Variants in DGKB observed in about 807,000 individuals in gnomAD.
The protein encoded by DGKB is 90 kDa diacylglycerol kinase.
A neutral mutation model predicts 114.3 loss-of-function variants in DGKB; 67 were observed. The observed-to-expected ratio is 0.59, with a 90% CI of 0.48 to 0.72. DGKB has a LOEUF of 0.72. Among genes scored for constraint, DGKB ranks in the 30% least tolerant of loss-of-function variants. The pLI, the probability that DGKB is intolerant of heterozygous loss-of-function variation, is 0.00. For missense variants in DGKB, 907 were observed against 975.2 expected, an observed-to-expected ratio of 0.93 and a Z score of 0.93; for synonymous variants, 398 against 323.1, an observed-to-expected ratio of 1.23 and a Z score of -2.49.
intron 2 of DGKB, among the ~76,000 whole-genome samples, chr7:14,834,639 C>T (rs1375856335): frequency 6.6e-6 from 1 of 152,134 alleles, no homozygotes; most frequent in Non-Finnish European, 1.5e-5. Flanking sequence ...GAGATGAAAC[C>T]ACTTGCTGAC....
intron 3 of DGKB, among the ~76,000 whole-genome samples, chr7:14,755,720 TA>T (rs1209087737): frequency 6.6e-6 from 1 of 152,160 alleles, no homozygotes; most frequent in Non-Finnish European, 1.5e-5. Flanking sequence ...TAGATATTCT[TA>T]ATTATTTTCA....
At chr7:14,559,374 A>T (rs1002612921) in intron 20 of DGKB, among the ~76,000 whole-genome samples, 2 of 152,082 alleles carry the variant, frequency 1.3e-5, no homozygotes, top group Non-Finnish European at 2.9e-5. Flanking sequence ...TTTTGGAGGA[A>T]GGGGGCACAG....
chr7:14,205,424 C>G (rs1237608110), intron 23 of DGKB, among the ~76,000 whole-genome samples: 1 of 151,766 alleles, frequency 6.6e-6, no homozygotes, highest in Non-Finnish European at 1.5e-5. Flanking sequence ...CTTGGGGACA[C>G]CTCATATCAT....
intron 21 of DGKB, among the ~76,000 whole-genome samples, chr7:14,400,540 G>A (rs554173370): frequency 2.6e-5 from 4 of 151,874 alleles, no homozygotes; most frequent in African/African-American, 9.6e-5. Context: ...AGAAAGATTT[G>A]TCATTCAGGA....
chr7:14,728,513 G>T (rs1377049167), intron 5 of DGKB, among the ~76,000 whole-genome samples: 1 of 152,078 alleles, frequency 6.6e-6, no homozygotes, highest in Admixed American at 6.6e-5. Context: ...GGTCCTTGGG[G>T]CTTTGACCTT....
chr7:14,688,261 A>C (rs973695164), intron 9 of DGKB, among the ~76,000 whole-genome samples: 1 of 152,186 alleles, frequency 6.6e-6, no homozygotes, highest in African/African-American at 2.4e-5. Context: ...TTTATTTTTT[A>C]TAAAACAAAA....
At chr7:14,201,166 T>G (rs1463242687) in intron 23 of DGKB, among the ~76,000 whole-genome samples, 2 of 152,018 alleles carry the variant, frequency 1.3e-5, no homozygotes, top group Non-Finnish European at 2.9e-5. Context: ...CCTAGATAGC[T>G]GTCTTTTCAC....
intron 21 of DGKB, among the ~76,000 whole-genome samples, chr7:14,399,814 C>A (rs1291880947): frequency 6.6e-6 from 1 of 151,808 alleles, no homozygotes; most frequent in Non-Finnish European, 1.5e-5. Context: ...GAATAGGGAA[C>A]AGACTATTCT....
chr7:14,942,878 T>C (rs1017677458), intron 1 of DGKB, among the ~76,000 whole-genome samples: 1 of 152,080 alleles, frequency 6.6e-6, no homozygotes, highest in Non-Finnish European at 1.5e-5. Flanking sequence ...TTTATTTTCA[T>C]AGCACTTACT....
chr7:14,152,946 T>A lies in DGKB; in HGVS notation c.2305-3708A>T, dbSNP rs58069897. Among the ~76,000 whole-genome samples, 69 of 152,196 alleles carry A rather than the reference T, an allele frequency of 4.5e-4. 1 individual carries two copies. Among genetic ancestry groups the A allele is most frequent in the African/African-American group, 1.7e-3 (69 of 41,538 alleles). ...GTGCCCCCTATTTCATCCACCTCTT[T>A]GAGCTGCCCTCAAAGTCCACTCCCA... On this transcript the variant is annotated intron_variant, in intron 25 of 25. Coordinates refer to ENST00000402815, the MANE Select transcript of DGKB (RefSeq NM_001350709.2).
At chr7:14,319,424 A>G (rs528250171) in intron 23 of DGKB, among the ~76,000 whole-genome samples, 2 of 152,288 alleles carry the variant, frequency 1.3e-5, no homozygotes, top group Non-Finnish European at 2.9e-5. Context: ...TTGTTTTTTA[A>G]ATATAGTTAT....
chr7:14,307,503 G>A (rs908396720), intron 23 of DGKB, among the ~76,000 whole-genome samples: 2 of 152,146 alleles, frequency 1.3e-5, no homozygotes, highest in Non-Finnish European at 2.9e-5. Flanking sequence ...GCAGTTCGCT[G>A]CTGTATATGC....
At chr7:14,331,399 G>A (rs181975047) in intron 23 of DGKB, among the ~76,000 whole-genome samples, 48 of 151,942 alleles carry the variant, frequency 3.2e-4, no homozygotes, top group African/African-American at 1.1e-3. Context: ...GCTTGCCGGT[G>A]TTTGAACGCC....
At chr7:14,412,324 A>G (rs569594707) in intron 21 of DGKB, among the ~76,000 whole-genome samples, 1 of 152,340 alleles carries the variant, frequency 6.6e-6, no homozygotes, top group Non-Finnish European at 1.5e-5. Flanking sequence ...AATAGATTTC[A>G]AATTCTGATT....
intron 13 of DGKB, among the ~76,000 whole-genome samples, chr7:14,653,985 T>A (rs1384120916): frequency 2.0e-5 from 3 of 152,062 alleles, no homozygotes; most frequent in Non-Finnish European, 4.4e-5. Flanking sequence ...AGGACAAGTA[T>A]GCCTACTTTT....
intron 21 of DGKB, among the ~76,000 whole-genome samples, chr7:14,445,191 C>T (rs1830568264): frequency 6.6e-6 from 1 of 151,664 alleles, no homozygotes; most frequent in Admixed American, 6.6e-5. Context: ...AGCTCCTCAC[C>T]ATAATGTATA....
At chr7:14,335,587 GT>G (rs1810505422) in intron 23 of DGKB, among the ~76,000 whole-genome samples, 1 of 152,124 alleles carries the variant, frequency 6.6e-6, no homozygotes, top group Non-Finnish European at 1.5e-5. Context: ...AACAGTGAAA[GT>G]TATTAATTTG....
intron 21 of DGKB, among the ~76,000 whole-genome samples, chr7:14,400,359 C>T (rs779719659): frequency 8.6e-5 from 13 of 151,790 alleles, no homozygotes; most frequent in Admixed American, 6.6e-5. Flanking sequence ...TTTCAGGTCT[C>T]TTCTGCTGTT....
chr7:14,381,260 T>C (rs892979895), intron 21 of DGKB, among the ~76,000 whole-genome samples: 2 of 152,126 alleles, frequency 1.3e-5, no homozygotes, highest in Non-Finnish European at 2.9e-5. Flanking sequence ...TAAAACTTTT[T>C]AAAATACATA....
Sources: allele counts gnomAD v4.1 joint callset (sites outside exome capture counted in the v4.1 genomes callset), GRCh38; gene constraint gnomAD v4.1.1; transcripts MANE v1.5; gene names NCBI Gene and HGNC (gene_info 2026-07-23, HGNC 2026-07-21).